ITGA10: variants seen among roughly 807,000 people sequenced by gnomAD.
The protein encoded by ITGA10 is integrin subunit alpha 10.
A neutral mutation model predicts 145.2 loss-of-function variants in ITGA10; 105 were observed. That is an observed-to-expected ratio of 0.72 (90% CI 0.62 to 0.85). ITGA10 has a LOEUF of 0.85. Among genes scored for constraint, ITGA10 ranks in the 40% least tolerant of loss-of-function variants. ITGA10 has a pLI of 0.00. For synonymous variants in ITGA10, 506 were observed against 557.8 expected (o/e 0.91, Z 1.31); for missense variants, 1,317 against 1,444.5 (o/e 0.91, Z 1.43).
intron 1 of ITGA10, among the ~76,000 whole-genome samples, chr1:145,908,347 G>A (rs587646829): frequency 6.6e-6 from 1 of 152,098 alleles, no homozygotes; most frequent in African/African-American, 2.4e-5. Flanking sequence ...AATTAACTGG[G>A]TGGGGCCACT....
In ITGA10 at chr1:145,901,577, A is replaced by G; in HGVS notation, c.1382T>C (p.Ile461Thr). 1.2e-6 allele frequency: 2 copies of G among 1,607,972 alleles called. No individual in the cohort carries two copies. Among genetic ancestry groups the G allele is most frequent in the Non-Finnish European group, 1.7e-6 (2 of 1,177,590 alleles). The change falls in exon 12 of 30, where the codon ATC becomes ACC. Residue 461 changes from isoleucine (I) to threonine (T), a missense_variant. Coordinates refer to ENST00000369304, the MANE Select transcript of ITGA10 (RefSeq NM_003637.5). The surrounding 1 kb of genome is among the most constrained non-coding windows in gnomAD (Gnocchi z 4.3). ...CCCATCTTTCTTAAGCTGGAAGGCG[A>G]TGACTTTTCCTCGATGTCTAAATCG... ...APRFRHRGKV[I>T]AFQLKKDGAV...
rs370009109 is a variant in ITGA10 at position 145,905,428 on chromosome 1, C to T, written c.482-617G>A. ...CCGAGTAGCTGGGACTACAGGCGCCCGCCACGACACCCGGCTAATTTTTTG... is the reference window on the plus strand; with the variant it reads ...CCGAGTAGCTGGGACTACAGGCGCCTGCCACGACACCCGGCTAATTTTTTG... On this transcript the variant is annotated intron_variant, in intron 5 of 29. Coordinates refer to ENST00000369304, the MANE Select transcript of ITGA10 (RefSeq NM_003637.5). Among the ~76,000 whole-genome samples the T allele has an allele frequency of 3.9e-5, 6 of 152,032 alleles. No homozygotes were observed. In the East Asian group the frequency reaches 5.8e-4, roughly 15 times the overall value.
chr1:145,900,961 C>T lies in ITGA10; in HGVS notation c.1620G>A (p.Gln540=). The stretch of plus-strand genomic sequence containing the variant: ...ACCGAGCATCCTGGGGGGGTTCTGG[C>T]TGAAGTGTTCCTTGGAGGGTCAGCA... ...QSLLTLQGTL[Q]PEPPQDARFG... Residue 540 remains glutamine, a synonymous_variant, in exon 14 of 30, where the codon CAG becomes CAA. Coordinates refer to ENST00000369304, the MANE Select transcript of ITGA10 (RefSeq NM_003637.5). The T allele has an allele frequency of 6.2e-7, 1 of 1,614,108 alleles. No individual in the cohort carries two copies. Among genetic ancestry groups the T allele is most frequent in the South Asian group, 1.1e-5 (1 of 91,082 alleles).
intron 27 of ITGA10, among the ~76,000 whole-genome samples, chr1:145,894,975 G>GA (rs781881036): frequency 8.1e-5 from 12 of 147,894 alleles, no homozygotes; most frequent in East Asian, 5.9e-4. Flanking sequence ...GAATGGTCAG[G>GA]AAAAAAAAAA....
chr1:145,900,107 A>G lies in ITGA10; in HGVS notation c.1872T>C (p.Asp624=), dbSNP rs1656040364. ...SVDGRLDLDG[D]DLVDVAVGAQ... ...CACCCACAGCCACATCGACCAGATC[A>G]TCTCCATCCAGATCTAGCCGACCAT... The change falls in exon 15 of 30, where the codon GAT becomes GAC. Residue 624 remains aspartate (D), a synonymous_variant. Transcript: ENST00000369304. The G allele has an allele frequency of 2.5e-6, 4 of 1,614,068 alleles. No individual in the cohort carries two copies. The highest frequency in any genetic ancestry group is 8.5e-7 in the Non-Finnish European group (1 of 1,179,974).
intron 20 of ITGA10, 81 bp from the exon 21 acceptor site, chr1:145,897,420 T>C: frequency 6.3e-7 from 1 of 1,595,476 alleles, no homozygotes; most frequent in East Asian, 2.2e-5. Context: ...ACACTGAGCC[T>C]TTCTCTAGAG....
chr1:145,909,509 ATAT>A (rs1405047353), intron 1 of ITGA10, among the ~76,000 whole-genome samples: 7 of 133,038 alleles, frequency 5.3e-5, no homozygotes, highest in East Asian at 2.0e-4. Context: ...ATTATGTTAT[ATAT>A]TATATGTATA....
intron 4 of ITGA10, 49 bp downstream of exon 4, chr1:145,906,684 T>A (rs1553751190): frequency 6.8e-7 from 1 of 1,478,656 alleles, no homozygotes; most frequent in South Asian, 1.1e-5. Flanking sequence ...TTCTCTTTTT[T>A]CTTTTATGGA....
chr1:145,893,325 C>T (rs1553743827), intron 28 of ITGA10, 51 bp from the exon 29 acceptor site: 2 of 1,295,576 alleles, frequency 1.5e-6, no homozygotes, highest in Non-Finnish European at 2.2e-6. Context: ...ACCCAGCTAG[C>T]CTCACCCCAC....
Position 145,906,931 on chromosome 1 carries a change from G to A in ITGA10, c.275-107C>T, listed in dbSNP as rs1657217858. 4 of 1,145,370 alleles carry A rather than the reference G, an allele frequency of 3.5e-6. No individual in the cohort carries two copies. In the African/African-American group the frequency reaches 4.5e-5, roughly 13 times the overall value. 71.0% of individuals were successfully genotyped at this position (1,145,370 alleles called of 1,614,324 possible). On this transcript the variant is annotated intron_variant, in intron 3 of 29. Coordinates refer to ENST00000369304, the MANE Select transcript of ITGA10 (RefSeq NM_003637.5). ...GAGCAGGGATTGGTATCAGATTGGG[G>A]ACAGGGAGTATGCGGATTTTAGGGG...
chr1:145,903,618 C>T (rs1427074408), intron 7 of ITGA10, among the ~76,000 whole-genome samples: 8 of 151,550 alleles, frequency 5.3e-5, no homozygotes, highest in Admixed American at 2.0e-4. Context: ...ATACACACTG[C>T]ACTCCAAACC....
In ITGA10 at chr1:145,907,113, C is replaced by T. The variant is rs868991202; in HGVS notation, c.202G>A (p.Asp68Asn). The T allele has an allele frequency of 1.5e-5, 23 of 1,563,336 alleles. No individual in the cohort carries two copies. The African/African-American group carries it at 2.2e-4, about 15-fold the overall frequency. Reference sequence around the variant, plus strand: ...CAGCGATAAACGTCCCCCCTCCGGTCGCCTGAAGGCCCATCCCAGGGGGCG... The same window carrying T: ...CAGCGATAAACGTCCCCCCTCCGGTTGCCTGAAGGCCCATCCCAGGGGGCG... ...VGAPWDGPSGDRRGDVYRCPV... is the reference protein window; with the variant it reads ...VGAPWDGPSGNRRGDVYRCPV... Residue 68 changes from aspartate to asparagine, a missense_variant, in exon 3 of 30, where the codon GAC becomes AAC. Physicochemically the swap from Asp to Asn is conservative, Grantham distance 23. Transcript: ENST00000369304.
At chr1:145,902,782 A>C (rs200321608) in intron 8 of ITGA10, 29 bp downstream of exon 8, 4 of 1,591,086 alleles carry the variant, frequency 2.5e-6, no homozygotes, top group Non-Finnish European at 3.4e-6. Context: ...CCACTCCCCA[A>C]CTCTTCCAGA....
chr1:145,902,381 G>A, intron 9 of ITGA10, 62 bp from the exon 10 acceptor site: 1 of 1,607,712 alleles, frequency 6.2e-7, no homozygotes. Flanking sequence ...TTGACCTACT[G>A]AACTCACTCC....
chr1:145,895,332 G>C lies in ITGA10; in HGVS notation c.3176C>G (p.Thr1059Ser). 6.2e-7 allele frequency: 1 copy of C among 1,614,162 alleles called. No individual in the cohort carries two copies. Among genetic ancestry groups the C allele is most frequent in the Non-Finnish European group, 8.5e-7 (1 of 1,179,996 alleles). The change falls in exon 27 of 30, where the codon ACT becomes AGT. Residue 1059 changes from threonine (T) to serine (S), a missense_variant. Coordinates refer to ENST00000369304, the MANE Select transcript of ITGA10 (RefSeq NM_003637.5). Reference protein sequence around the residue: ...RCHLGQLAKGTEVSVGLLRLV... With the variant: ...RCHLGQLAKGSEVSVGLLRLV... Reference sequence around the variant, plus strand: ...CCTCAATAGTCCAACAGAGACCTCAGTCCCCTTTGCCAGCTGCCCAAGGTG... The same window carrying C: ...CCTCAATAGTCCAACAGAGACCTCACTCCCCTTTGCCAGCTGCCCAAGGTG...
At chr1:145,899,920 C>G (rs1553747312) in intron 15 of ITGA10, 137 bp downstream of exon 15, 1 of 805,790 alleles carries the variant, frequency 1.2e-6, no homozygotes, top group Non-Finnish European at 1.9e-6. Flanking sequence ...ACTATTACTA[C>G]TGTCATTTTA....
rs1655820903 is a variant in ITGA10, at chr1:145,898,867, T to C, written c.2232+69A>G. On this transcript the variant is annotated intron_variant, in intron 17 of 29. Coordinates refer to ENST00000369304, the MANE Select transcript of ITGA10 (RefSeq NM_003637.5). The stretch of plus-strand genomic sequence containing the variant: ...GCTTTCTTGCTGATTCAGCTAAAAT[T>C]CCTCCTCTGACCCAGCTTTCTCCTC... The C allele has an allele frequency of 7.8e-6, 12 of 1,533,026 alleles. No individual in the cohort carries two copies. The East Asian group carries it at 2.5e-4, about 32-fold the overall frequency. 95.0% of individuals were successfully genotyped at this position (1,533,026 alleles called of 1,614,324 possible).
intron 1 of ITGA10, among the ~76,000 whole-genome samples, chr1:145,909,646 TATATA>T (rs1405683320): frequency 1.4e-5 from 2 of 140,786 alleles, no homozygotes; most frequent in African/African-American, 5.2e-5. Context: ...ATGTATATTA[TATATA>T]ATATATAATT....
At chr1:145,893,128 A>G in intron 29 of ITGA10, 33 bp downstream of exon 29, 2 of 1,475,768 alleles carry the variant, frequency 1.4e-6, no homozygotes, top group Non-Finnish European at 1.9e-6. Context: ...CATGGGCATC[A>G]TGCTCCACAC....
Sources: allele counts gnomAD v4.1 joint callset (sites outside exome capture counted in the v4.1 genomes callset), GRCh38; gene constraint gnomAD v4.1.1; non-coding constraint Gnocchi (gnomAD v3.1); transcripts MANE v1.5; gene names NCBI Gene and HGNC (gene_info 2026-07-23, HGNC 2026-07-21).